UCHL3: variants seen among roughly 807,000 people sequenced by gnomAD.
The protein encoded by UCHL3 is ubiquitin C-terminal hydrolase L3.
Under a neutral mutation model 35.8 loss-of-function variants are expected in UCHL3, and 22 were observed. That is an observed-to-expected ratio of 0.61 (90% CI 0.44 to 0.88). The LOEUF (loss-of-function observed/expected upper bound fraction) is 0.88. Ranked by LOEUF, UCHL3 falls within the 40% of genes least tolerant of loss-of-function variation. The pLI is 0.00. For missense variants in UCHL3, 229 were observed against 276.9 expected, an observed-to-expected ratio of 0.83 and a Z score of 1.23; for synonymous variants, 90 against 92.8, an observed-to-expected ratio of 0.97 and a Z score of 0.17.
At chr13:75,589,580 A>G (rs1380132280) in intron 6 of UCHL3, among the ~76,000 whole-genome samples, 1 of 151,978 alleles carries the variant, frequency 6.6e-6, no homozygotes, top group African/African-American at 2.4e-5. Flanking sequence ...TTCTTTGTGC[A>G]TTTTATATGC....
rs747271184 is a variant in UCHL3, at chr13:75,569,441, A to G, written c.427-19A>G. On this transcript the variant is annotated intron_variant, in intron 5 of 8. Transcript: ENST00000377595. ...AGTATAGGCATTTTTTCCAATGAAT[A>G]CCTTTATTCTTATTACAGGCCATCC... The G allele has an allele frequency of 6.4e-6, 10 of 1,573,636 alleles. No individual in the cohort carries two copies. The highest frequency in any genetic ancestry group is 1.4e-5 in the African/African-American group (1 of 73,450).
chr13:75,552,665 T>A (rs1322297439), intron 2 of UCHL3, among the ~76,000 whole-genome samples: 2 of 152,206 alleles, frequency 1.3e-5, no homozygotes, highest in Non-Finnish European at 2.9e-5. Context: ...ATGAGTTAAG[T>A]GATCAAAAAA....
chr13:75,580,383 C>T (rs937755451), intron 6 of UCHL3, among the ~76,000 whole-genome samples: 7 of 152,168 alleles, frequency 4.6e-5, no homozygotes, highest in African/African-American at 1.4e-4. Context: ...TGATTTTAAA[C>T]TCATAAAGTT....
intron 7 of UCHL3, among the ~76,000 whole-genome samples, chr13:75,600,201 C>T (rs1157380123): frequency 1.3e-5 from 2 of 152,206 alleles, no homozygotes; most frequent in Admixed American, 6.5e-5. Flanking sequence ...AAGAAGTCAT[C>T]TCCATAACAT....
chr13:75,589,151 C>G (rs112263030), intron 6 of UCHL3, among the ~76,000 whole-genome samples: 1 of 152,090 alleles, frequency 6.6e-6, no homozygotes, highest in African/African-American at 2.4e-5. Context: ...AACTTGATTT[C>G]CTGGGTCTGA....
chr13:75,567,161 A>G (rs1429414838), intron 4 of UCHL3, 66 bp from the exon 5 acceptor site: 1 of 1,407,738 alleles, frequency 7.1e-7, no homozygotes, highest in Non-Finnish European at 9.9e-7. Context: ...TACTTCTAGT[A>G]TTTTCATATA....
At position 75,555,427 on chromosome 13, in the gene UCHL3, G is replaced by A. The variant is rs552409615; in HGVS notation, c.55-5326G>A. ...CTGTGAGAGCAGGGATGCGTCTGAA[G>A]TATGAGAACGGTGCCAGGCTCACGG... is the stretch of plus-strand genomic sequence containing the variant. On this transcript the variant is annotated intron_variant, in intron 2 of 8. Coordinates refer to ENST00000377595, the MANE Select transcript of UCHL3 (RefSeq NM_006002.5). Among the ~76,000 whole-genome samples, 6 of 152,332 alleles carry A rather than the reference G, an allele frequency of 3.9e-5. No homozygotes were observed. The East Asian group carries it at 1.2e-3, about 29-fold the overall frequency.
In UCHL3 at chr13:75,591,568, CT is replaced by C. The variant is rs2032478475; in HGVS notation, c.475-3343del. On this transcript the variant is annotated intron_variant, in intron 6 of 8. Transcript: ENST00000377595. Reference sequence around the variant, plus strand: ...AATTTGGCATTTCCTGTTTTATATGCTTTTATATAATGTTGATCTTGGCTCC... The same window carrying C: ...AATTTGGCATTTCCTGTTTTATATGCTTTATATAATGTTGATCTTGGCTCC... Among the ~76,000 whole-genome samples the C allele has an allele frequency of 4.6e-5, 7 of 152,206 alleles. No individual in the cohort carries two copies. In the South Asian group the frequency reaches 1.5e-3, roughly 32 times the overall value.
chr13:75,571,093 T>C (rs971661553), intron 6 of UCHL3, among the ~76,000 whole-genome samples: 1 of 152,242 alleles, frequency 6.6e-6, no homozygotes, highest in African/African-American at 2.4e-5. Context: ...AACATATTCA[T>C]AATCTTCACT....
rs533515883 is a variant in UCHL3 at position 75,604,949 on chromosome 13, G to A, written c.609+122G>A. On this transcript the variant is annotated intron_variant, in intron 8 of 8. Coordinates refer to ENST00000377595, the MANE Select transcript of UCHL3 (RefSeq NM_006002.5). ...TACTTCTTTATCCTTGTTCTCTCTA[G>A]AAAATCCAAAAAGAAAATTTATATT... 9.5e-5 allele frequency: 76 copies of A among 801,286 alleles called. No homozygotes were observed. In the African/African-American group the frequency reaches 1.3e-3, roughly 14 times the overall value. The allele number at this position is 801,286 out of a possible 1,614,324, so 49.6% of individuals were successfully genotyped here. A position where few individuals can be genotyped will look rare whatever the true frequency, so the allele number is the denominator to read the frequency against.
Position 75,566,781 on chromosome 13 carries a change from A to G in UCHL3, c.270A>G (p.Thr90=). 1 of 1,611,982 alleles carries G rather than the reference A, an allele frequency of 6.2e-7. No homozygotes were observed. The highest frequency in any genetic ancestry group is 1.7e-4 in the Middle Eastern group (1 of 6,056). ...VTSSVYFMKQ[T]ISNACGTIGL... ...CATCAGTATATTTCATGAAGCAAACAATCAGCAATGCCTGTGGAACAATTG... is the reference window on the plus strand; with the variant it reads ...CATCAGTATATTTCATGAAGCAAACGATCAGCAATGCCTGTGGAACAATTG... The change falls in exon 4 of 9, where the codon ACA becomes ACG. Residue 90 remains threonine, a synonymous_variant. Coordinates refer to ENST00000377595, the MANE Select transcript of UCHL3 (RefSeq NM_006002.5).
chr13:75,564,694 GTGT>G (rs1566213175), intron 3 of UCHL3, among the ~76,000 whole-genome samples: 1 of 151,932 alleles, frequency 6.6e-6, no homozygotes, highest in African/African-American at 2.4e-5. Flanking sequence ...TGATAGTGTT[GTGT>G]TGTTATCATT....
chr13:75,555,745 C>T (rs1171157140), intron 2 of UCHL3, among the ~76,000 whole-genome samples: 3 of 152,012 alleles, frequency 2.0e-5, no homozygotes, highest in African/African-American at 7.2e-5. Flanking sequence ...CTTTAAAAAA[C>T]TCTTTAAATT....
rs1566227922 is a variant in UCHL3 at position 75,592,431 on chromosome 13, T to TATACATATATAC, written c.475-2481_475-2480insCATATATACATA. ...TTTTTCCTTCATATATATATATATA[T>TATACATATATAC]ATATATATATATATATATATATATA... is the stretch of plus-strand genomic sequence containing the variant. On this transcript the variant is annotated intron_variant, in intron 6 of 8. Transcript: ENST00000377595. Among the ~76,000 whole-genome samples, 709 of 89,708 alleles carry TATACATATATAC rather than the reference T, an allele frequency of 7.9e-3. 44 individuals carry two copies. Among genetic ancestry groups the TATACATATATAC allele is most frequent in the East Asian group, 0.013 (44 of 3,326 alleles). The allele number at this position is 89,708 out of a possible 152,430, so 58.9% of individuals were successfully genotyped here. A position where few individuals can be genotyped will look rare whatever the true frequency, so the allele number is the denominator to read the frequency against.
At chr13:75,566,064 T>C (rs967562695) in intron 3 of UCHL3, among the ~76,000 whole-genome samples, 1 of 152,192 alleles carries the variant, frequency 6.6e-6, no homozygotes, top group Non-Finnish European at 1.5e-5. Context: ...AGGAAAAATA[T>C]TTTTGCCAAT....
At chr13:75,604,854 TTCA>T in intron 8 of UCHL3, 27 bp downstream of exon 8, 1 of 1,564,574 alleles carries the variant, frequency 6.4e-7, no homozygotes, top group Admixed American at 1.9e-5. Context: ...TTGGCCCATC[TTCA>T]TCAATATTTT....
intron 7 of UCHL3, among the ~76,000 whole-genome samples, chr13:75,602,232 A>G (rs1377486314): frequency 1.3e-5 from 2 of 152,236 alleles, no homozygotes; most frequent in African/African-American, 2.4e-5. Flanking sequence ...ATTTGACAGT[A>G]GCTGATACTC....
intron 6 of UCHL3, among the ~76,000 whole-genome samples, chr13:75,572,085 CTAACTT>C (rs1216388059): frequency 6.6e-6 from 1 of 150,514 alleles, no homozygotes; most frequent in Non-Finnish European, 1.5e-5. Context: ...ACTTGTCTTT[CTAACTT>C]TAATTATTTC....
intron 3 of UCHL3, among the ~76,000 whole-genome samples, chr13:75,561,932 C>T (rs2031530853): frequency 6.6e-6 from 1 of 151,734 alleles, no homozygotes; most frequent in South Asian, 2.1e-4. Context: ...GGAGCCAGAA[C>T]TTTTAAGTGC....
Sources: allele counts gnomAD v4.1 joint callset (sites outside exome capture counted in the v4.1 genomes callset), GRCh38; gene constraint gnomAD v4.1.1; transcripts MANE v1.5; gene names NCBI Gene and HGNC (gene_info 2026-07-23, HGNC 2026-07-21).